Variants in FN1 observed in about 807,000 individuals in gnomAD.
FN1 encodes fibronectin 1.
In FN1, 106 loss-of-function variants were observed where a neutral mutation model predicts 297.3. The observed-to-expected ratio is 0.36, with a 90% CI of 0.30 to 0.42. FN1 has a LOEUF of 0.42. Among genes scored for constraint, FN1 ranks in the 10% least tolerant of loss-of-function variants. FN1 has a pLI of 1.00. For missense variants in FN1, 2,690 were observed against 3,124.9 expected (o/e 0.86, Z 3.32); for synonymous variants, 1,149 against 1,152.6 (o/e 1.00, Z 0.06).
intron 7 of FN1, 103 bp downstream of exon 7, chr2:215,424,991 C>G: frequency 9.5e-7 from 1 of 1,048,272 alleles, no homozygotes; most frequent in Middle Eastern, 2.0e-4. Context: ...GGTAAGATTA[C>G]AGGCTTCTTG....
At chr2:215,387,111 T>A (rs1371694087) in intron 27 of FN1, among the ~76,000 whole-genome samples, 153 bp from the exon 28 acceptor site, 1 of 152,170 alleles carries the variant, frequency 6.6e-6, no homozygotes, top group African/African-American at 2.4e-5. Context: ...AAGAGTAAGA[T>A]GTACTGATTC....
At chr2:215,389,068 A>C (rs549656108) in intron 26 of FN1, among the ~76,000 whole-genome samples, 6 of 152,058 alleles carry the variant, frequency 3.9e-5, no homozygotes, top group Non-Finnish European at 8.8e-5. Context: ...AAAATTAAAT[A>C]TACATCCCTG....
At chr2:215,364,749 G>T in intron 44 of FN1, 130 bp downstream of exon 44, 1 of 707,694 alleles carries the variant, frequency 1.4e-6, no homozygotes, top group Non-Finnish European at 2.5e-6. Flanking sequence ...GCAGTTGTAT[G>T]CCAACAGGAA....
At chr2:215,379,622 G>A in intron 33 of FN1, 1 of 292,280 alleles carries the variant, frequency 3.4e-6, no homozygotes, top group South Asian at 4.8e-5. Context: ...AAGTTACATT[G>A]GCTTATTGGC....
rs751282256 is a variant in FN1 at position 215,393,227 on chromosome 2, AG to A, written c.3797-25del. On this transcript the variant is annotated intron_variant, in intron 24 of 45. Transcript: ENST00000354785. ...CTCTATTGAGTTACAAAGCAAAGGGAGGGGGAGGCAAAAGGAAAATAGAGGG... is the reference window on the plus strand; with the variant it reads ...CTCTATTGAGTTACAAAGCAAAGGGAGGGGAGGCAAAAGGAAAATAGAGGG... The A allele has an allele frequency of 1.8e-5, 27 of 1,475,852 alleles. No homozygotes were observed. The African/African-American group carries it at 2.6e-4, about 14-fold the overall frequency. The allele number at this position is 1,475,852 out of a possible 1,614,324, so 91.4% of individuals were successfully genotyped here. A position where few individuals can be genotyped will look rare whatever the true frequency, so the allele number is the denominator to read the frequency against.
At position 215,380,615 on chromosome 2, in the gene FN1, T is replaced by C; in HGVS notation, c.5434+196A>G. On this transcript the variant is annotated intron_variant, in intron 33 of 45. Coordinates refer to ENST00000354785, the MANE Select transcript of FN1 (RefSeq NM_212482.4). Reference sequence around the variant, plus strand: ...GTATAAGCCAGGATACTCCAAAATTTCTTTTAATCAGACTTGTTTCCTTAA... The same window carrying C: ...GTATAAGCCAGGATACTCCAAAATTCCTTTTAATCAGACTTGTTTCCTTAA... 3 of 717,870 alleles carry C rather than the reference T, an allele frequency of 4.2e-6. 1 individual carries two copies. The South Asian group carries it at 5.3e-5, about 13-fold the overall frequency. 44.5% of individuals were successfully genotyped at this position (717,870 alleles called of 1,614,324 possible).
intron 40 of FN1, among the ~76,000 whole-genome samples, chr2:215,371,495 T>C (rs981420486): frequency 6.6e-6 from 1 of 151,004 alleles, no homozygotes; most frequent in African/African-American, 2.5e-5. Flanking sequence ...TCATCTATCT[T>C]ACTCAAAAAG....
At chr2:215,423,664 T>C (rs1252200718) in intron 8 of FN1, 138 bp from the exon 9 acceptor site, 5 of 812,916 alleles carry the variant, frequency 6.2e-6, no homozygotes, top group Non-Finnish European at 6.2e-6. Flanking sequence ...AAATGTCTGA[T>C]AATATAGTTC....
At chr2:215,413,081 T>C in intron 13 of FN1, among the ~76,000 whole-genome samples, 1 of 152,202 alleles carries the variant, frequency 6.6e-6, no homozygotes, top group Admixed American at 6.5e-5. Context: ...TGCTGCATTT[T>C]AGTTTGCTTC....
At chr2:215,415,265 T>C (rs903313830) in intron 12 of FN1, among the ~76,000 whole-genome samples, 4 of 152,214 alleles carry the variant, frequency 2.6e-5, no homozygotes, top group African/African-American at 9.6e-5. Flanking sequence ...AAGTAAGAAT[T>C]GTGAGAAAAT....
At chr2:215,380,511 G>A in intron 33 of FN1, 1 of 427,108 alleles carries the variant, frequency 2.3e-6, no homozygotes, top group Non-Finnish European at 4.3e-6. Context: ...CATAGTGAGG[G>A]TAATCACAGG....
rs764413281 is a variant in FN1, at chr2:215,424,273, T to C, written c.1089A>G (p.Pro363=). ...AGAACGTCCTGCCATTGTAGGTGAATGGTAAGACACATGGCTCTCCATTTG... is the reference window on the plus strand; with the variant it reads ...AGAACGTCCTGCCATTGTAGGTGAACGGTAAGACACATGGCTCTCCATTTG... The part of the protein sequence containing the change: ...GNSNGEPCVL[P]FTYNGRTFYS... Residue 363 remains proline, a synonymous_variant, in exon 8 of 46, where the codon CCA becomes CCG. Coordinates refer to ENST00000354785, the MANE Select transcript of FN1 (RefSeq NM_212482.4). 9 of 1,614,000 alleles carry C rather than the reference T, an allele frequency of 5.6e-6. No homozygotes were observed. Among genetic ancestry groups the C allele is most frequent in the Non-Finnish European group, 6.8e-6 (8 of 1,180,004 alleles).
chr2:215,369,727 G>C (rs1413905608), intron 41 of FN1, among the ~76,000 whole-genome samples: 1 of 151,928 alleles, frequency 6.6e-6, no homozygotes, highest in Non-Finnish European at 1.5e-5. Flanking sequence ...CTTTTAACCT[G>C]TATAGTCAGA....
intron 39 of FN1, 146 bp downstream of exon 39, chr2:215,373,176 G>C: frequency 1.6e-6 from 1 of 644,292 alleles, no homozygotes; most frequent in Middle Eastern, 3.6e-4. Context: ...TCCTATTAAA[G>C]AATACAATAT....
At position 215,428,248 on chromosome 2, in the gene FN1, A is replaced by T. The variant is rs780408411; in HGVS notation, c.776T>A (p.Ile259Asn). Residue 259 changes from isoleucine to asparagine, a missense_variant, in exon 6 of 46, where the codon ATC (isoleucine) becomes AAC (asparagine). By Grantham distance (149) the Ile-to-Asn change is moderately radical. This residue lies in a region of FN1 where 876 missense variants were observed against 1,058.1 expected (regional missense o/e 0.83). Transcript: ENST00000354785. ...KDNRGNLLQC[I>N]CTGNGRGEWK... ...CTCTCCTCGGCCGTTGCCTGTGCAG[A>T]TGCACTGGAGCAGGTTTCCTCGATT... is the stretch of plus-strand genomic sequence containing the variant. 6.2e-7 allele frequency: 1 copy of T among 1,614,160 alleles called. No individual in the cohort carries two copies. Among genetic ancestry groups the T allele is most frequent in the South Asian group, 1.1e-5 (1 of 91,088 alleles).
At chr2:215,426,860 ATTT>A (rs903873331) in intron 6 of FN1, among the ~76,000 whole-genome samples, 2 of 151,552 alleles carry the variant, frequency 1.3e-5, no homozygotes, top group African/African-American at 4.8e-5. Flanking sequence ...GACATTTATA[ATTT>A]TTTTTATTTT....
In FN1 at chr2:215,374,471, G is replaced by T. The variant is rs566416479; in HGVS notation, c.6157+743C>A. On this transcript the variant is annotated intron_variant, in intron 38 of 45. Coordinates refer to ENST00000354785, the MANE Select transcript of FN1 (RefSeq NM_212482.4). ...CCCCAGGCTGTTCTCATGATAGTGA[G>T]TTCTCACAAGATCTGATAGTTTTGT... 5.3e-5 allele frequency among the ~76,000 whole-genome samples: 8 copies of T among 152,304 alleles called. No homozygotes were observed. In the East Asian group the frequency reaches 1.2e-3, roughly 22 times the overall value.
intron 7 of FN1, 114 bp downstream of exon 7, chr2:215,424,980 T>G (rs1433395084): frequency 1.1e-6 from 1 of 914,946 alleles, no homozygotes; most frequent in African/African-American, 1.6e-5. Context: ...TATCACAGGG[T>G]GGTAAGATTA....
At chr2:215,365,966 A>ATTTTTTTTTTTTTTTTTTTT (rs559516647) in intron 42 of FN1, among the ~76,000 whole-genome samples, 4 of 90,354 alleles carry the variant, frequency 4.4e-5, no homozygotes, top group Non-Finnish European at 6.1e-5. Context: ...CCACAGTGCT[A>ATTTTTTTTTTTTTTTTTTTT]TTTTTTTTTT....
Sources: gnomAD v4.1 joint callset for allele counts (sites outside exome capture counted in the v4.1 genomes callset) on GRCh38, gnomAD v4.1.1 for gene constraint, gnomAD v4.1.1 regional missense constraint, MANE v1.5 for transcripts, NCBI Gene and HGNC (gene_info 2026-07-23, HGNC 2026-07-21) for gene names.